Variants in ST8SIA4 observed in about 807,000 individuals in gnomAD.
ST8SIA4 encodes the protein CMP-N-acetylneuraminate-poly-alpha-2,8-sialyltransferase.
A neutral mutation model predicts 33.9 loss-of-function variants in ST8SIA4; 15 were observed. The observed-to-expected ratio is 0.44, with a 90% CI of 0.30 to 0.68. The LOEUF (loss-of-function observed/expected upper bound fraction) is 0.68. Among genes scored for constraint, ST8SIA4 ranks in the 30% least tolerant of loss-of-function variants. ST8SIA4 has a pLI of 0.10. For missense variants in ST8SIA4, 321 were observed against 428.0 expected, an observed-to-expected ratio of 0.75 and a Z score of 2.21; for synonymous variants, 171 against 151.2, an observed-to-expected ratio of 1.13 and a Z score of -0.96.
chr5:100,852,745 G>T (rs1188162574), intron 4 of ST8SIA4, among the ~76,000 whole-genome samples: 1 of 152,080 alleles, frequency 6.6e-6, no homozygotes, highest in African/African-American at 2.4e-5. Flanking sequence ...GTGACTGATG[G>T]TTTCATCTTT....
At chr5:100,854,069 A>G (rs1751760665) in intron 4 of ST8SIA4, among the ~76,000 whole-genome samples, 1 of 151,966 alleles carries the variant, frequency 6.6e-6, no homozygotes, top group South Asian at 2.1e-4. Context: ...ATGATACCCA[A>G]ACAAAAACAG....
chr5:100,859,702 TAA>T (rs1241105924), intron 3 of ST8SIA4, among the ~76,000 whole-genome samples: 2 of 152,114 alleles, frequency 1.3e-5, no homozygotes, highest in African/African-American at 2.4e-5. Context: ...CATGTTAATT[TAA>T]AAGTTATATA....
intron 3 of ST8SIA4, chr5:100,885,923 T>C (rs903099686): frequency 1.2e-6 from 1 of 818,046 alleles, no homozygotes; most frequent in African/African-American, 1.9e-5. Flanking sequence ...TCCTAGATAA[T>C]TATTAATAAA....
intron 3 of ST8SIA4, among the ~76,000 whole-genome samples, chr5:100,858,172 C>T (rs1341761682): frequency 6.6e-6 from 1 of 151,964 alleles, no homozygotes; most frequent in African/African-American, 2.4e-5. Flanking sequence ...AATCTAAACT[C>T]CTAATGAAGC....
intron 4 of ST8SIA4, among the ~76,000 whole-genome samples, chr5:100,838,818 C>T (rs1377170892): frequency 6.6e-6 from 1 of 151,886 alleles, no homozygotes; most frequent in Non-Finnish European, 1.5e-5. Context: ...TGAATATTTG[C>T]TTTGAATAGA....
At chr5:100,814,966 T>A (rs1294284170) in intron 4 of ST8SIA4, among the ~76,000 whole-genome samples, 2 of 151,942 alleles carry the variant, frequency 1.3e-5, no homozygotes, top group Non-Finnish European at 2.9e-5. Flanking sequence ...AAATAGAATA[T>A]TAACTTGTGT....
Position 100,903,119 on chromosome 5 carries a change from C to A in ST8SIA4, c.-164G>T, listed in dbSNP as rs1019231584. 2.0e-5 allele frequency: 12 copies of A among 604,580 alleles called. No homozygotes were observed. Among genetic ancestry groups the A allele is most frequent in the African/African-American group, 1.9e-4 (10 of 53,808 alleles). 37.5% of individuals were successfully genotyped at this position (604,580 alleles called of 1,614,324 possible). A position where few individuals can be genotyped will look rare whatever the true frequency, so the allele number is the denominator to read the frequency against. ...ATCACTGGGGTCTTCTGTGGCCGAG[C>A]TCCCTCTGGTCCTCGAACGCTGCCC... On this transcript the variant is annotated 5_prime_UTR_variant, in exon 1 of 5. Transcript: ENST00000231461.
In ST8SIA4 at chr5:100,895,981, C is replaced by T. The variant is rs73777440; in HGVS notation, c.114-196G>A. Among the ~76,000 whole-genome samples, 402 of 151,934 alleles carry T rather than the reference C, an allele frequency of 2.6e-3. 1 individual carries two copies. The highest frequency in any genetic ancestry group is 9.5e-3 in the African/African-American group (395 of 41,474). On this transcript the variant is annotated intron_variant, in intron 1 of 4. Coordinates refer to ENST00000231461, the MANE Select transcript of ST8SIA4 (RefSeq NM_005668.6). ...ATGACTATCAGGACAAGAATCTACA[C>T]GTAATATTTTTGAAATTAAACAATT...
At chr5:100,882,275 T>C (rs569811632) in intron 3 of ST8SIA4, among the ~76,000 whole-genome samples, 1 of 152,298 alleles carries the variant, frequency 6.6e-6, no homozygotes, top group African/African-American at 2.4e-5. Context: ...TTTTATGTTT[T>C]AGCAAAAAGA....
In ST8SIA4 at chr5:100,834,540, C is replaced by G. The variant is rs149344501; in HGVS notation, c.797+21563G>C. Among the ~76,000 whole-genome samples, 4 of 152,140 alleles carry G rather than the reference C, an allele frequency of 2.6e-5. No homozygotes were observed. In the East Asian group the frequency reaches 7.7e-4, roughly 29 times the overall value. On this transcript the variant is annotated intron_variant, in intron 4 of 4. Coordinates refer to ENST00000231461, the MANE Select transcript of ST8SIA4 (RefSeq NM_005668.6). ...TTACTTTTTCTCTTTCTTAAGTTGTCACTACTGATCAAATTGATTCAGTGA... is the reference window on the plus strand; with the variant it reads ...TTACTTTTTCTCTTTCTTAAGTTGTGACTACTGATCAAATTGATTCAGTGA...
intron 4 of ST8SIA4, among the ~76,000 whole-genome samples, chr5:100,829,194 C>A (rs1751202453): frequency 6.6e-6 from 1 of 152,166 alleles, no homozygotes; most frequent in Non-Finnish European, 1.5e-5. Flanking sequence ...GCGAACAGTA[C>A]CCAGTGAGCC....
At chr5:100,832,820 C>T (rs923345192) in intron 4 of ST8SIA4, among the ~76,000 whole-genome samples, 1 of 152,092 alleles carries the variant, frequency 6.6e-6, no homozygotes, top group Non-Finnish European at 1.5e-5. Flanking sequence ...TACTCTATTG[C>T]TTTTGCTCCT....
At chr5:100,900,528 T>A (rs889289205) in intron 1 of ST8SIA4, 1 of 455,796 alleles carries the variant, frequency 2.2e-6, no homozygotes, top group Non-Finnish European at 4.4e-6. Flanking sequence ...CCTTTCATCC[T>A]GGAGAAAAAG....
intron 4 of ST8SIA4, chr5:100,849,262 G>A (rs2112431341): frequency 1.0e-6 from 1 of 982,972 alleles, no homozygotes; most frequent in East Asian, 1.1e-4. Flanking sequence ...TATATACATT[G>A]GTACGTATAT....
At chr5:100,895,858 G>A (rs1752769482) in intron 1 of ST8SIA4, 73 bp from the exon 2 acceptor site, 1 of 1,457,974 alleles carries the variant, frequency 6.9e-7, no homozygotes, top group Admixed American at 2.1e-5. Flanking sequence ...TACATAATTT[G>A]AATTAATTAC....
intron 1 of ST8SIA4, among the ~76,000 whole-genome samples, 180 bp from the exon 2 acceptor site, chr5:100,895,965 A>G (rs930174168): frequency 2.6e-5 from 4 of 152,070 alleles, no homozygotes; most frequent in African/African-American, 9.7e-5. Flanking sequence ...TATGACTATC[A>G]GGACAAGAAT....
chr5:100,852,874 T>A (rs533763479), intron 4 of ST8SIA4, among the ~76,000 whole-genome samples: 1 of 152,318 alleles, frequency 6.6e-6, no homozygotes, highest in African/African-American at 2.4e-5. Flanking sequence ...ATCTAAATGA[T>A]CCTCACTGTG....
At chr5:100,873,374 C>A (rs1561401825) in intron 3 of ST8SIA4, among the ~76,000 whole-genome samples, 1 of 151,956 alleles carries the variant, frequency 6.6e-6, no homozygotes, top group African/African-American at 2.4e-5. Context: ...AATAAACAAA[C>A]TTAAGTTAGA....
chr5:100,838,198 G>GA (rs1197415870), intron 4 of ST8SIA4, among the ~76,000 whole-genome samples: 1 of 151,970 alleles, frequency 6.6e-6, no homozygotes, highest in African/African-American at 2.4e-5. Flanking sequence ...CCATAATCAT[G>GA]AAGAAATAGA....
Sources: allele counts gnomAD v4.1 joint callset (sites outside exome capture counted in the v4.1 genomes callset), GRCh38; gene constraint gnomAD v4.1.1; transcripts MANE v1.5; gene names NCBI Gene and HGNC (gene_info 2026-07-23, HGNC 2026-07-21).